ERBB2: variants seen among roughly 807,000 people sequenced by gnomAD.
The protein encoded by ERBB2 is erb-b2 receptor tyrosine kinase 2.
Under a neutral mutation model 149.0 loss-of-function variants are expected in ERBB2, and 61 were observed. That is an observed-to-expected ratio of 0.41 (90% CI 0.33 to 0.51). ERBB2 has a LOEUF of 0.51. Ranked by LOEUF, ERBB2 falls within the 20% of genes least tolerant of loss-of-function variation. ERBB2 has a pLI of 0.25. For missense variants in ERBB2, 1,205 were observed against 1,655.1 expected, an observed-to-expected ratio of 0.73 and a Z score of 4.72; for synonymous variants, 633 against 678.8, an observed-to-expected ratio of 0.93 and a Z score of 1.05.
intron 9 of ERBB2, among the ~76,000 whole-genome samples, chr17:39,714,143 T>C (rs1597870925): frequency 6.6e-6 from 1 of 151,936 alleles, no homozygotes; most frequent in Non-Finnish European, 1.5e-5. Flanking sequence ...TAACAGTGTG[T>C]GTGTTCACCT....
chr17:39,689,618 A>G (rs1016141266), intron 2 of ERBB2, among the ~76,000 whole-genome samples: 7 of 152,180 alleles, frequency 4.6e-5, no homozygotes, highest in African/African-American at 1.7e-4. Flanking sequence ...GAAAATTCCT[A>G]AGTAAGGCTG....
At chr17:39,721,997 C>T (rs2059479665) in intron 16 of ERBB2, among the ~76,000 whole-genome samples, 1 of 152,108 alleles carries the variant, frequency 6.6e-6, no homozygotes, top group Admixed American at 6.6e-5. Context: ...TGGCTCACCG[C>T]AACCTCCACC....
At chr17:39,697,505 C>T (rs1483458780), upstream of ERBB2, among the ~76,000 whole-genome samples, 8 of 149,740 alleles carry the variant, frequency 5.3e-5, no homozygotes, top group East Asian at 6.0e-4. Context: ...TACAGGCATG[C>T]GCCACCATGC....
chr17:39,701,633 G>GC (rs752794410), intron 1 of ERBB2, among the ~76,000 whole-genome samples: 1 of 152,104 alleles, frequency 6.6e-6, no homozygotes, highest in Non-Finnish European at 1.5e-5. Context: ...GCAGGTCTAC[G>GC]CCAGGGTGTT....
intron 16 of ERBB2, among the ~76,000 whole-genome samples, chr17:39,720,461 C>G (rs980012407): frequency 3.3e-5 from 5 of 151,980 alleles, no homozygotes; most frequent in African/African-American, 1.2e-4. Context: ...CAGTGGGGAC[C>G]TTTGGAAAGG....
In ERBB2 at chr17:39,725,811, C is replaced by A; in HGVS notation, c.2830C>A (p.Pro944Thr). The A allele has an allele frequency of 6.2e-7, 1 of 1,613,730 alleles. No individual in the cohort carries two copies. The change falls in exon 23 of 27, where the codon CCC becomes ACC. Residue 944 changes from proline to threonine, a missense_variant. Pro to Thr is a conservative substitution (Grantham distance 38). This residue lies in a region of ERBB2 where 63 missense variants were observed against 74.2 expected (regional missense o/e 0.85). Coordinates refer to ENST00000269571, the MANE Select transcript of ERBB2 (RefSeq NM_004448.4). This position sits in a 1 kb window ranked among gnomAD's most constrained non-coding sequence, Gnocchi z 4.6. ...LLEKGERLPQ[P>T]PICTIDVYMI... ...GGAAAAGGGGGAGCGGCTGCCCCAGCCCCCCATCTGCACCATTGATGTCTA... is the reference window on the plus strand; with the variant it reads ...GGAAAAGGGGGAGCGGCTGCCCCAGACCCCCATCTGCACCATTGATGTCTA...
At chr17:39,715,687 C>T (rs2059078834) in intron 11 of ERBB2, 53 bp from the exon 12 acceptor site, 7 of 1,589,976 alleles carry the variant, frequency 4.4e-6, no homozygotes, top group Non-Finnish European at 6.0e-6. Context: ...ATGAGAATAG[C>T]CTTTGCTGAC....
Position 39,723,434 on chromosome 17 carries a change from C to G in ERBB2, c.2062C>G (p.Arg688Gly), listed in dbSNP as rs2145806636. The G allele has an allele frequency of 6.2e-7, 1 of 1,614,192 alleles. No individual in the cohort carries two copies. The highest frequency in any genetic ancestry group is 1.6e-4 in the Middle Eastern group (1 of 6,062). Reference protein sequence around the residue: ...RQQKIRKYTMRRLLQETELVE... With the variant: ...RQQKIRKYTMGRLLQETELVE... ...GCAGAAGATCCGGAAGTACACGATG[C>G]GGAGACTGCTGCAGGAAACGGAGGT... The change falls in exon 17 of 27, where the codon CGG (arginine) becomes GGG (glycine). Residue 688 changes from arginine (R) to glycine (G), a missense_variant. By Grantham distance (125) the Arg-to-Gly change is moderately radical. Around this residue, in one of 6 missense-constraint regions of ERBB2, gnomAD observed 152 missense variants for 318.1 expected, o/e 0.48. Transcript: ENST00000269571. This position sits in a 1 kb window ranked among gnomAD's most constrained non-coding sequence, Gnocchi z 6.2.
Position 39,707,004 on chromosome 17 carries a change from G to T in ERBB2, c.88G>T (p.Asp30Tyr), listed in dbSNP as rs778487069. ...AASTQVCTGTDMKLRLPASPE... is the reference protein window; with the variant it reads ...AASTQVCTGTYMKLRLPASPE... ...TCTCCTGCCAGTGTGCACCGGCACA[G>T]ACATGAAGCTGCGGCTCCCTGCCAG... Residue 30 changes from aspartate to tyrosine, a missense_variant, in exon 2 of 27, where the codon GAC becomes TAC. By Grantham distance (160) the Asp-to-Tyr change is radical (BLOSUM62 -3). Transcript: ENST00000269571. 2 of 1,592,414 alleles carry T rather than the reference G, an allele frequency of 1.3e-6. No individual in the cohort carries two copies. The highest frequency in any genetic ancestry group is 1.1e-5 in the South Asian group (1 of 87,866).
chr17:39,688,264 A>C (rs1466550517), exon 1 of ERBB2: 1 of 375,668 alleles, frequency 2.7e-6, no homozygotes, highest in Non-Finnish European at 4.7e-6. Context: ...AGTGTTTTCC[A>C]TGATCTTTTT....
chr17:39,705,874 G>A lies in ERBB2; in HGVS notation c.74-1116G>A, dbSNP rs557987098. On this transcript the variant is annotated intron_variant, in intron 1 of 26. Coordinates refer to ENST00000269571, the MANE Select transcript of ERBB2 (RefSeq NM_004448.4). ...GGAGCAGTGACCGGCAGGAATTCTG[G>A]GCAGCTCAGGCACCTGTGGGCCTGA... 3.9e-5 allele frequency among the ~76,000 whole-genome samples: 6 copies of A among 152,270 alleles called. No individual in the cohort carries two copies. In the South Asian group the frequency reaches 6.2e-4, roughly 16 times the overall value.
At position 39,715,228 on chromosome 17, in the gene ERBB2, C is replaced by G. The variant is rs2059047880; in HGVS notation, c.1149-58C>G. The G allele has an allele frequency of 2.3e-5, 34 of 1,449,746 alleles. No homozygotes were observed. The South Asian group carries it at 3.1e-4, about 13-fold the overall frequency. 89.8% of individuals were successfully genotyped at this position (1,449,746 alleles called of 1,614,324 possible). ...TGGGGAGTGGCTGGCATGGCCAGTG[C>G]TGGGAGTGATGTCCACCCTGTTCCT... On this transcript the variant is annotated intron_variant, in intron 9 of 26. Coordinates refer to ENST00000269571, the MANE Select transcript of ERBB2 (RefSeq NM_004448.4).
rs1431941547 is a variant in ERBB2 at position 39,710,337 on chromosome 17, C to T, written c.760-3C>T. 1.2e-6 allele frequency: 2 copies of T among 1,614,030 alleles called. No individual in the cohort carries two copies. The highest frequency in any genetic ancestry group is 8.5e-7 in the Non-Finnish European group (1 of 1,180,044). On this transcript the variant is annotated splice_region_variant and splice_polypyrimidine_tract_variant and intron_variant, in intron 6 of 26. Coordinates refer to ENST00000269571, the MANE Select transcript of ERBB2 (RefSeq NM_004448.4). ...AGTGAAAGCCAGCCACCTGTCCCCCCAGGCCTGCCTCCACTTCAACCACAG... is the reference window on the plus strand; with the variant it reads ...AGTGAAAGCCAGCCACCTGTCCCCCTAGGCCTGCCTCCACTTCAACCACAG...
chr17:39,709,913 G>A (rs775013240), intron 5 of ERBB2, 32 bp downstream of exon 5: 1 of 1,601,840 alleles, frequency 6.2e-7, no homozygotes, highest in Non-Finnish European at 8.5e-7. Flanking sequence ...AGTCAGGGAA[G>A]GGGAGGGCTG....
chr17:39,717,628 A>T, intron 15 of ERBB2, 148 bp downstream of exon 15: 1 of 636,594 alleles, frequency 1.6e-6, no homozygotes, highest in Non-Finnish European at 2.6e-6. Context: ...TGTAAAATTA[A>T]AACATGAAAT....
chr17:39,691,568 T>TAC (rs2057700376), upstream of ERBB2, among the ~76,000 whole-genome samples: 1 of 127,306 alleles, frequency 7.9e-6, no homozygotes, highest in African/African-American at 4.1e-5. Flanking sequence ...TATATATATA[T>TAC]ATATATACAC....
Position 39,727,744 on chromosome 17 carries a change from T to C in ERBB2, c.3468T>C (p.Pro1156=). 6.3e-7 allele frequency: 1 copy of C among 1,594,942 alleles called. No individual in the cohort carries two copies. The highest frequency in any genetic ancestry group is 8.6e-7 in the Non-Finnish European group (1 of 1,168,532). The change falls in exon 27 of 27, where the codon CCT becomes CCC. Residue 1156 remains proline (P), a synonymous_variant. Transcript: ENST00000269571. The surrounding 1 kb of genome is among the most constrained non-coding windows in gnomAD (Gnocchi z 4.3). ...AGCCCCCTTCGCCCCGAGAGGGCCC[T>C]CTGCCTGCTGCCCGACCTGCTGGTG... ...RPQPPSPREG[P]LPAARPAGAT...
upstream of ERBB2, among the ~76,000 whole-genome samples, chr17:39,691,849 C>G (rs1045391666): frequency 2.8e-5 from 4 of 142,742 alleles, no homozygotes; most frequent in African/African-American, 1.1e-4. Flanking sequence ...AATGTACTAG[C>G]ATGGTAAAAC....
At chr17:39,700,649 T>G (rs975265658) in intron 1 of ERBB2, among the ~76,000 whole-genome samples, 4 of 151,956 alleles carry the variant, frequency 2.6e-5, no homozygotes, top group African/African-American at 9.7e-5. Context: ...TTTCCCCCCT[T>G]CTTGAGCCCC....
Sources: allele counts gnomAD v4.1 joint callset (sites outside exome capture counted in the v4.1 genomes callset), GRCh38; gene constraint gnomAD v4.1.1; regional missense constraint gnomAD v4.1.1; non-coding constraint Gnocchi (gnomAD v3.1); transcripts MANE v1.5; gene names NCBI Gene and HGNC (gene_info 2026-07-23, HGNC 2026-07-21).